Variants in MDGA2 observed in about 807,000 individuals in gnomAD.
MDGA2 encodes MAM domain-containing glycosylphosphatidylinositol anchor protein 2.
In MDGA2, 40 loss-of-function variants were observed where a neutral mutation model predicts 117.8. The observed-to-expected ratio is 0.34, with a 90% CI of 0.26 to 0.44. MDGA2 has a LOEUF of 0.44. MDGA2 is among the 20% of genes least tolerant of loss of function. MDGA2 has a pLI of 1.00. For synonymous variants in MDGA2, 452 were observed against 439.0 expected, an observed-to-expected ratio of 1.03 and a Z score of -0.37; for missense variants, 1,123 against 1,250.6, an observed-to-expected ratio of 0.90 and a Z score of 1.54.
At position 47,426,687 on chromosome 14, in the gene MDGA2, ATATATATCATT is replaced by A. The variant is rs1358642909; in HGVS notation, c.281-125148_281-125138del. The stretch of plus-strand genomic sequence containing the variant: ...ATATCACACATTATATATATCATTT[ATATATATCATT>A]TATATATATATATACATATATGTAT... On this transcript the variant is annotated intron_variant, in intron 1 of 16. Coordinates refer to ENST00000399232, the MANE Select transcript of MDGA2 (RefSeq NM_001113498.3). 8.1e-5 allele frequency among the ~76,000 whole-genome samples: 11 copies of A among 136,640 alleles called. No homozygotes were observed. In the South Asian group the frequency reaches 1.6e-3, roughly 19 times the overall value. The allele number at this position is 136,640 out of a possible 152,430, so 89.6% of individuals were successfully genotyped here. A position where few individuals can be genotyped will look rare whatever the true frequency, so the allele number is the denominator to read the frequency against.
At chr14:47,492,731 C>T (rs976332952) in intron 1 of MDGA2, among the ~76,000 whole-genome samples, 1 of 152,052 alleles carries the variant, frequency 6.6e-6, no homozygotes, top group African/African-American at 2.4e-5. Flanking sequence ...ATAGTTCAGT[C>T]TATAATATTA....
intron 8 of MDGA2, among the ~76,000 whole-genome samples, chr14:47,032,834 ATGGAAGGGAGGTCCT>A (rs1391518284): frequency 2.0e-5 from 3 of 152,190 alleles, no homozygotes; most frequent in Non-Finnish European, 2.9e-5. Context: ...TTGGAAATAT[ATGGAAGGGAGGTCCT>A]TGAAAGCCAT....
intron 1 of MDGA2, among the ~76,000 whole-genome samples, chr14:47,502,656 TTTTTG>T (rs1338236741): frequency 1.3e-5 from 2 of 152,062 alleles, no homozygotes; most frequent in Non-Finnish European, 2.9e-5. Context: ...TTTGGGGGTT[TTTTTG>T]TTTTATTATT....
chr14:46,917,274 T>G (rs1042076030), intron 10 of MDGA2, among the ~76,000 whole-genome samples: 1 of 152,224 alleles, frequency 6.6e-6, no homozygotes, highest in African/African-American at 2.4e-5. Flanking sequence ...ATACTACACA[T>G]GCTCAGCTCA....
intron 8 of MDGA2, among the ~76,000 whole-genome samples, chr14:47,001,667 A>AT (rs879466031): frequency 3.3e-5 from 5 of 151,982 alleles, no homozygotes; most frequent in South Asian, 2.1e-4. Context: ...ACAAAATGTA[A>AT]TTTTTTTTCT....
intron 7 of MDGA2, chr14:47,059,164 T>C (rs1889788989): frequency 2.5e-6 from 2 of 809,516 alleles, no homozygotes; most frequent in African/African-American, 1.8e-5. Context: ...AAATTAGTCA[T>C]TTTGTTAGTT....
At chr14:47,341,707 T>C (rs1042682317) in intron 1 of MDGA2, among the ~76,000 whole-genome samples, 15 of 152,134 alleles carry the variant, frequency 9.9e-5, no homozygotes, top group South Asian at 4.2e-4. Context: ...CTAGAAGTAA[T>C]TGAAATATTT....
intron 3 of MDGA2, among the ~76,000 whole-genome samples, chr14:47,184,367 G>A (rs1261372521): frequency 1.3e-5 from 2 of 151,936 alleles, no homozygotes; most frequent in East Asian, 3.9e-4. Flanking sequence ...ACTCTATTGG[G>A]ATATTTTAGA....
intron 10 of MDGA2, among the ~76,000 whole-genome samples, chr14:46,897,436 A>T (rs1213554589): frequency 6.6e-6 from 1 of 152,134 alleles, no homozygotes; most frequent in East Asian, 1.9e-4. Context: ...TTGAATGGCA[A>T]ATAACTACAA....
chr14:47,113,453 C>G (rs1473694378), intron 5 of MDGA2, among the ~76,000 whole-genome samples: 1 of 151,984 alleles, frequency 6.6e-6, no homozygotes, highest in Non-Finnish European at 1.5e-5. Context: ...GGCAGAGATA[C>G]AATAAAAAAA....
chr14:47,512,944 A>G (rs546400257), intron 1 of MDGA2, among the ~76,000 whole-genome samples: 1 of 152,022 alleles, frequency 6.6e-6, no homozygotes, highest in Non-Finnish European at 1.5e-5. Context: ...ATTCAAGGAA[A>G]CTTTTAATAA....
intron 2 of MDGA2, among the ~76,000 whole-genome samples, chr14:47,287,941 G>A (rs963613385): frequency 3.3e-5 from 5 of 152,158 alleles, no homozygotes; most frequent in African/African-American, 1.2e-4. Flanking sequence ...GGACACCTAG[G>A]ATTGCCAGCT....
Position 47,468,914 on chromosome 14 carries a change from C to T in MDGA2, c.281-167364G>A, listed in dbSNP as rs1386692044. On this transcript the variant is annotated intron_variant, in intron 1 of 16. Coordinates refer to ENST00000399232, the MANE Select transcript of MDGA2 (RefSeq NM_001113498.3). Reference sequence around the variant, plus strand: ...TTTAAAATGTCAAACCTGCTCCATACTGAGGGCTGAAAATTTGAAAAAAAT... The same window carrying T: ...TTTAAAATGTCAAACCTGCTCCATATTGAGGGCTGAAAATTTGAAAAAAAT... 2.6e-5 allele frequency among the ~76,000 whole-genome samples: 4 copies of T among 151,872 alleles called. No individual in the cohort carries two copies. In the East Asian group the frequency reaches 7.7e-4, roughly 29 times the overall value.
chr14:46,939,913 G>T (rs978128521), intron 9 of MDGA2, among the ~76,000 whole-genome samples: 3 of 152,158 alleles, frequency 2.0e-5, no homozygotes, highest in African/African-American at 4.8e-5. Flanking sequence ...TGCATGCCTT[G>T]CTGAAAGCAT....
chr14:47,345,342 A>C (rs1890742175), intron 1 of MDGA2, among the ~76,000 whole-genome samples: 1 of 152,150 alleles, frequency 6.6e-6, no homozygotes, highest in South Asian at 2.1e-4. Flanking sequence ...ATAAATAGGA[A>C]GGTAAGAATT....
At chr14:47,383,771 C>T (rs527541527) in intron 1 of MDGA2, among the ~76,000 whole-genome samples, 20 of 152,218 alleles carry the variant, frequency 1.3e-4, no homozygotes, top group African/African-American at 3.4e-4. Flanking sequence ...GTGATCCACA[C>T]GCCTCAGCCT....
chr14:47,567,361 TAAC>T (rs1399078612), intron 1 of MDGA2, among the ~76,000 whole-genome samples: 3 of 152,254 alleles, frequency 2.0e-5, no homozygotes, highest in African/African-American at 7.2e-5. Flanking sequence ...ATGAGGAACA[TAAC>T]AACTGAAGGA....
chr14:47,106,108 T>C (rs564115265), intron 5 of MDGA2, among the ~76,000 whole-genome samples: 11 of 152,244 alleles, frequency 7.2e-5, no homozygotes, highest in African/African-American at 2.4e-4. Flanking sequence ...TCATCAAATA[T>C]AAAAATCCAG....
At chr14:47,534,666 T>C (rs1247211967) in intron 1 of MDGA2, among the ~76,000 whole-genome samples, 1 of 152,072 alleles carries the variant, frequency 6.6e-6, no homozygotes, top group Non-Finnish European at 1.5e-5. Context: ...GGGGTTATAG[T>C]TTGAGATGAG....
Sources: gnomAD v4.1 joint callset for allele counts (sites outside exome capture counted in the v4.1 genomes callset) on GRCh38, gnomAD v4.1.1 for gene constraint, MANE v1.5 for transcripts, NCBI Gene and HGNC (gene_info 2026-07-23, HGNC 2026-07-21) for gene names.